PITPNM3: variants seen among roughly 807,000 people sequenced by gnomAD.
PITPNM3 encodes the protein membrane-associated phosphatidylinositol transfer protein 3.
PITPNM3 carries 26 observed loss-of-function variants against 102.0 expected under a neutral mutation model. That is an observed-to-expected ratio of 0.25 (90% CI 0.19 to 0.35). The LOEUF (loss-of-function observed/expected upper bound fraction) is 0.35, where lower values mean the gene tolerates loss of function less well. Among genes scored for constraint, PITPNM3 ranks in the 10% least tolerant of loss-of-function variants. The pLI is 1.00. For synonymous variants in PITPNM3, 578 were observed against 558.6 expected, an observed-to-expected ratio of 1.03 and a Z score of -0.49; for missense variants, 1,083 against 1,346.1, an observed-to-expected ratio of 0.80 and a Z score of 3.06.
rs1302885122 is a variant in PITPNM3 at position 6,472,245 on chromosome 17, G to A, written c.1429+412C>T. ...CTAGCTCTTCTCCACCTGCCCAAAT[G>A]CACCTCCCCTCTCTGGACCCTAATC... On this transcript the variant is annotated intron_variant, in intron 11 of 19. Coordinates refer to ENST00000262483, the MANE Select transcript of PITPNM3 (RefSeq NM_031220.4). The surrounding 1 kb of genome is among the most constrained non-coding windows in gnomAD (Gnocchi z 4.1). Among the ~76,000 whole-genome samples, 4 of 152,056 alleles carry A rather than the reference G, an allele frequency of 2.6e-5. No individual in the cohort carries two copies. The highest frequency in any genetic ancestry group is 4.8e-5 in the African/African-American group (2 of 41,392).
chr17:6,513,280 A>C (rs377024849), intron 3 of PITPNM3, among the ~76,000 whole-genome samples: 1 of 152,330 alleles, frequency 6.6e-6, no homozygotes, highest in African/African-American at 2.4e-5. Flanking sequence ...CTTCTATTCA[A>C]TATTATGTTG....
chr17:6,498,603 G>A (rs1906983660), intron 4 of PITPNM3, among the ~76,000 whole-genome samples: 1 of 152,226 alleles, frequency 6.6e-6, no homozygotes, highest in South Asian at 2.1e-4. Flanking sequence ...CAATGGTCCA[G>A]GAGAGAGAAG....
intron 1 of PITPNM3, among the ~76,000 whole-genome samples, chr17:6,544,652 T>A (rs113755617): frequency 1.2e-3 from 83 of 70,262 alleles, no homozygotes; most frequent in East Asian, 3.4e-3. Flanking sequence ...TCTCTCTCTC[T>A]CTCACACACA....
At chr17:6,518,392 T>TC (rs1292022739) in intron 3 of PITPNM3, among the ~76,000 whole-genome samples, 2 of 139,680 alleles carry the variant, frequency 1.4e-5, no homozygotes, top group East Asian at 2.1e-4. Context: ...GAAAAGATTA[T>TC]CCCCCCAAAA....
chr17:6,507,885 T>C (rs2150615808), intron 3 of PITPNM3, among the ~76,000 whole-genome samples: 1 of 151,976 alleles, frequency 6.6e-6, no homozygotes, highest in South Asian at 2.1e-4. Flanking sequence ...ATTACCAGGG[T>C]GTAAATATGA....
intron 17 of PITPNM3, among the ~76,000 whole-genome samples, chr17:6,462,596 A>T (rs1904521596): frequency 6.6e-6 from 1 of 152,144 alleles, no homozygotes; most frequent in Non-Finnish European, 1.5e-5. Flanking sequence ...CTCACAGTGC[A>T]GTGGGATAGC....
rs545728119 is a variant in PITPNM3 at position 6,477,283 on chromosome 17, T to TC, written c.901-71dup. 116 of 1,512,028 alleles carry TC rather than the reference T, an allele frequency of 7.7e-5. No homozygotes were observed. In the East Asian group the frequency reaches 2.1e-3, roughly 28 times the overall value. The allele number at this position is 1,512,028 out of a possible 1,614,324, so 93.7% of individuals were successfully genotyped here. The stretch of plus-strand genomic sequence containing the variant: ...CGGGAGACTCTGGGGCCTTGTCTCC[T>TC]CCCCCCAAGCACAAACCAACCCCTT... On this transcript the variant is annotated intron_variant, in intron 8 of 19. Transcript: ENST00000262483.
rs113334020 is a variant in PITPNM3 at position 6,470,560 on chromosome 17, A to G, written c.1625-152T>C. 2.0e-5 allele frequency: 19 copies of G among 971,592 alleles called. No individual in the cohort carries two copies. Among genetic ancestry groups the G allele is most frequent in the African/African-American group, 4.8e-5 (3 of 62,918 alleles). The allele number at this position is 971,592 out of a possible 1,614,324, so 60.2% of individuals were successfully genotyped here. A position where few individuals can be genotyped will look rare whatever the true frequency, so the allele number is the denominator to read the frequency against. On this transcript the variant is annotated intron_variant, in intron 12 of 19. Transcript: ENST00000262483. This position sits in a 1 kb window ranked among gnomAD's most constrained non-coding sequence, Gnocchi z 4.8. ...ACCCTGGCCTGGAGGAGGCCTGGGG[A>G]ACGCGCTGCTCTTCCTCCTTCCTTC...
At chr17:6,485,500 C>T (rs528267909) in intron 4 of PITPNM3, among the ~76,000 whole-genome samples, 3 of 152,042 alleles carry the variant, frequency 2.0e-5, no homozygotes, top group Non-Finnish European at 2.9e-5. Context: ...TCCTTTCGGT[C>T]GGTTTCTCCG....
At chr17:6,555,590 T>C (rs1226944161) in intron 1 of PITPNM3, among the ~76,000 whole-genome samples, 1 of 152,312 alleles carries the variant, frequency 6.6e-6, no homozygotes, top group Non-Finnish European at 1.5e-5. Flanking sequence ...ATGTGCCCGA[T>C]GAGTCACGGG....
intron 11 of PITPNM3, among the ~76,000 whole-genome samples, chr17:6,471,716 A>G (rs1384422193): frequency 3.3e-5 from 5 of 152,076 alleles, no homozygotes; most frequent in Middle Eastern, 6.3e-3. Flanking sequence ...TCATAGCCAT[A>G]TCCTCTCTTA....
Position 6,517,209 on chromosome 17 carries a change from T to C in PITPNM3, c.226+8147A>G, listed in dbSNP as rs1345334988. ...AGAAGAAGTCAGGAAATTGAGGAAG[T>C]AGCAGTGAGACCTATATGCTACAAA... On this transcript the variant is annotated intron_variant, in intron 3 of 19. Coordinates refer to ENST00000262483, the MANE Select transcript of PITPNM3 (RefSeq NM_031220.4). This position sits in a 1 kb window ranked among gnomAD's most constrained non-coding sequence, Gnocchi z 4.1. Among the ~76,000 whole-genome samples the C allele has an allele frequency of 2.0e-5, 3 of 152,212 alleles. No homozygotes were observed. Among genetic ancestry groups the C allele is most frequent in the African/African-American group, 7.2e-5 (3 of 41,448 alleles).
intron 3 of PITPNM3, among the ~76,000 whole-genome samples, chr17:6,519,025 G>T (rs1385631218): frequency 1.3e-5 from 2 of 152,074 alleles, no homozygotes; most frequent in Non-Finnish European, 2.9e-5. Context: ...GAGAGTAAAT[G>T]CTGGCAAAAA....
chr17:6,463,639 C>G, intron 17 of PITPNM3, 93 bp downstream of exon 17: 1 of 1,507,032 alleles, frequency 6.6e-7, no homozygotes, highest in Non-Finnish European at 8.9e-7. Flanking sequence ...CGGTAGAATT[C>G]CTACAGCAAA....
intron 3 of PITPNM3, among the ~76,000 whole-genome samples, chr17:6,509,884 C>G (rs2309593): frequency 0.55 from 83,598 of 151,970 alleles, 25,000 homozygotes; most frequent in Middle Eastern, 0.68. Context: ...CCAAGAAGGC[C>G]CCTAACTCCT....
At chr17:6,505,356 G>A (rs1040104376) in intron 3 of PITPNM3, among the ~76,000 whole-genome samples, 10 of 152,070 alleles carry the variant, frequency 6.6e-5, no homozygotes, top group African/African-American at 2.2e-4. Context: ...GATCCCAGGT[G>A]CAGCCAGATA....
chr17:6,535,638 G>T (rs1909370338), intron 2 of PITPNM3, among the ~76,000 whole-genome samples: 1 of 152,094 alleles, frequency 6.6e-6, no homozygotes, highest in African/African-American at 2.4e-5. Flanking sequence ...AAAGGAAGTG[G>T]CCGGGTGCGG....
chr17:6,497,317 C>T (rs7225584), intron 4 of PITPNM3, among the ~76,000 whole-genome samples: 18 of 152,186 alleles, frequency 1.2e-4, no homozygotes, highest in African/African-American at 4.3e-4. Flanking sequence ...CCTCTGGTCA[C>T]TGACCCTAGG....
intron 6 of PITPNM3, chr17:6,479,166 T>G: frequency 5.7e-6 from 1 of 175,200 alleles, no homozygotes; most frequent in Non-Finnish European, 1.2e-5. Context: ...TTGGAGAAGC[T>G]GGGAAAGGAG....
Sources: allele counts gnomAD v4.1 joint callset (sites outside exome capture counted in the v4.1 genomes callset), GRCh38; gene constraint gnomAD v4.1.1; non-coding constraint Gnocchi (gnomAD v3.1); transcripts MANE v1.5; gene names NCBI Gene and HGNC (gene_info 2026-07-23, HGNC 2026-07-21).